Variants in ROR2 observed in about 807,000 individuals in gnomAD.
ROR2 encodes ROR family WNT receptor 2, also known as tyrosine-protein kinase transmembrane receptor ROR2.
Under a neutral mutation model 74.9 loss-of-function variants are expected in ROR2, and 33 were observed. The ratio of observed to expected loss-of-function variants is 0.44; its 90% CI spans 0.33 to 0.59. The LOEUF (loss-of-function observed/expected upper bound fraction) is 0.59, where lower values mean the gene tolerates loss of function less well. Ranked by LOEUF, ROR2 falls within the 20% of genes least tolerant of loss-of-function variation. ROR2 has a pLI of 0.02. For synonymous variants in ROR2, 586 were observed against 558.7 expected, an observed-to-expected ratio of 1.05 and a Z score of -0.69; for missense variants, 1,216 against 1,313.8, an observed-to-expected ratio of 0.93 and a Z score of 1.15.
At chr9:91,786,344 CAATCAATA>C (rs1826802048) in intron 1 of ROR2, among the ~76,000 whole-genome samples, 2 of 106,248 alleles carry the variant, frequency 1.9e-5, no homozygotes, top group East Asian at 3.1e-4. Flanking sequence ...ATCAATCAAT[CAATCAATA>C]AGTAAATAAA....
chr9:91,741,175 C>G (rs1171590421), intron 4 of ROR2, among the ~76,000 whole-genome samples: 1 of 152,066 alleles, frequency 6.6e-6, no homozygotes, highest in East Asian at 1.9e-4. Flanking sequence ...TGGTGCACAC[C>G]TGTAGTCCCA....
chr9:91,740,786 GA>G (rs1334455886), intron 4 of ROR2, among the ~76,000 whole-genome samples: 3 of 152,022 alleles, frequency 2.0e-5, no homozygotes, highest in African/African-American at 7.2e-5. Flanking sequence ...GGAAAGCAAG[GA>G]AAGGACTGAA....
rs1836865388 is a variant in ROR2 at position 91,723,428 on chromosome 9, C to G, written c.*234G>C. 1 of 601,048 alleles carries G rather than the reference C, an allele frequency of 1.7e-6. No homozygotes were observed. Among genetic ancestry groups the G allele is most frequent in the South Asian group, 2.0e-5 (1 of 48,826 alleles). 37.2% of individuals were successfully genotyped at this position (601,048 alleles called of 1,614,324 possible). A position where few individuals can be genotyped will look rare whatever the true frequency, so the allele number is the denominator to read the frequency against. ...CCTGGGGATGACCATGTGTCCTGCT[C>G]CCCAGGACGCCGTGCTGCCAGACCC... On this transcript the variant is annotated 3_prime_UTR_variant, in exon 9 of 9. Coordinates refer to ENST00000375708, the MANE Select transcript of ROR2 (RefSeq NM_004560.4).
intron 1 of ROR2, among the ~76,000 whole-genome samples, chr9:91,948,077 TG>T (rs1469037356): frequency 6.6e-6 from 1 of 152,184 alleles, no homozygotes; most frequent in Non-Finnish European, 1.5e-5. Context: ...GTACATTCAC[TG>T]GAAACTATGA....
chr9:91,773,908 G>C (rs1243741076), intron 2 of ROR2, among the ~76,000 whole-genome samples: 1 of 147,154 alleles, frequency 6.8e-6, no homozygotes, highest in African/African-American at 2.4e-5. Context: ...CTTCCTTTAG[G>C]CCACTTGGCC....
At chr9:91,839,006 G>A (rs1397790919) in intron 1 of ROR2, among the ~76,000 whole-genome samples, 3 of 152,082 alleles carry the variant, frequency 2.0e-5, no homozygotes, top group Non-Finnish European at 2.9e-5. Context: ...CCTGGGCAAC[G>A]AGTCAAAAAT....
At chr9:91,764,590 CA>C (rs1826008318) in intron 2 of ROR2, among the ~76,000 whole-genome samples, 1 of 150,360 alleles carries the variant, frequency 6.7e-6, no homozygotes, top group Non-Finnish European at 1.5e-5. Flanking sequence ...ACACACACCA[CA>C]CACATTGAAC....
At chr9:91,940,497 C>A (rs1377153810) in intron 1 of ROR2, among the ~76,000 whole-genome samples, 2 of 152,132 alleles carry the variant, frequency 1.3e-5, no homozygotes, top group Non-Finnish European at 2.9e-5. Context: ...GATTTTCAGT[C>A]CCTTCAATGA....
intron 4 of ROR2, among the ~76,000 whole-genome samples, chr9:91,739,977 T>C (rs1378439578): frequency 2.0e-5 from 3 of 152,140 alleles, no homozygotes; most frequent in African/African-American, 7.2e-5. Context: ...ACATGCCTGA[T>C]CAGATTAATG....
At chr9:91,798,137 A>C (rs1248424847) in intron 1 of ROR2, among the ~76,000 whole-genome samples, 22 of 10,174 alleles carry the variant, frequency 2.2e-3, no homozygotes, top group Admixed American at 2.4e-3. Flanking sequence ...GGAATGACAC[A>C]CTGGGCTCTG....
intron 1 of ROR2, among the ~76,000 whole-genome samples, chr9:91,847,655 T>G (rs554030073): frequency 1.3e-5 from 2 of 152,126 alleles, no homozygotes; most frequent in Non-Finnish European, 2.9e-5. Flanking sequence ...CATTTCCGTG[T>G]GCAGCCTGCC....
At chr9:91,825,461 T>C (rs1347701669) in intron 1 of ROR2, among the ~76,000 whole-genome samples, 2 of 152,094 alleles carry the variant, frequency 1.3e-5, no homozygotes, top group African/African-American at 4.8e-5. Flanking sequence ...TGTGAAACCA[T>C]CCTGAGATCT....
At chr9:91,912,900 G>C (rs1297529320) in intron 1 of ROR2, among the ~76,000 whole-genome samples, 1 of 152,146 alleles carries the variant, frequency 6.6e-6, no homozygotes, top group Non-Finnish European at 1.5e-5. Context: ...AGGCCGAGGC[G>C]GGAGGATTAC....
chr9:91,749,673 C>A (rs1318194683), intron 4 of ROR2, among the ~76,000 whole-genome samples: 3 of 152,056 alleles, frequency 2.0e-5, no homozygotes, highest in South Asian at 2.1e-4. Context: ...TATAAGCAGA[C>A]CCCCATCTAT....
intron 2 of ROR2, among the ~76,000 whole-genome samples, chr9:91,768,778 G>A (rs1291944250): frequency 2.0e-5 from 3 of 152,136 alleles, no homozygotes; most frequent in South Asian, 4.1e-4. Context: ...ACTCTGCCCC[G>A]AATAACCAAC....
chr9:91,738,846 G>A (rs1272575581), intron 4 of ROR2, among the ~76,000 whole-genome samples: 1 of 152,158 alleles, frequency 6.6e-6, no homozygotes, highest in Non-Finnish European at 1.5e-5. Flanking sequence ...CTGCATGGAT[G>A]GGAAGATGGG....
At chr9:91,938,636 G>A (rs1162558548) in intron 1 of ROR2, among the ~76,000 whole-genome samples, 1 of 152,066 alleles carries the variant, frequency 6.6e-6, no homozygotes, top group South Asian at 2.1e-4. Flanking sequence ...AGGAAGAAGG[G>A]GATCTTATTC....
In ROR2 at chr9:91,722,780, G is replaced by A; in HGVS notation, c.*882C>T. ...CCAAGACCAACTGGATCCCAACGTG[G>A]GTAACATAAACAGTTAAATTACTAA... On this transcript the variant is annotated 3_prime_UTR_variant, in exon 9 of 9. Coordinates refer to ENST00000375708, the MANE Select transcript of ROR2 (RefSeq NM_004560.4). 1.4e-5 allele frequency: 8 copies of A among 591,900 alleles called. No individual in the cohort carries two copies. The highest frequency in any genetic ancestry group is 8.3e-5 in the South Asian group (4 of 47,930). The allele number at this position is 591,900 out of a possible 1,614,324, so 36.7% of individuals were successfully genotyped here.
chr9:91,778,466 T>G (rs185625734), intron 1 of ROR2, among the ~76,000 whole-genome samples: 1 of 152,186 alleles, frequency 6.6e-6, no homozygotes, highest in East Asian at 1.9e-4. Flanking sequence ...GCAGGCACCC[T>G]TGCACCCCAG....
Sources: gnomAD v4.1 joint callset for allele counts (sites outside exome capture counted in the v4.1 genomes callset) on GRCh38, gnomAD v4.1.1 for gene constraint, MANE v1.5 for transcripts, NCBI Gene and HGNC (gene_info 2026-07-23, HGNC 2026-07-21) for gene names.